The following GRM7 variants were observed in gnomAD, a reference collection of about 807,000 sequenced individuals.
GRM7 encodes metabotropic glutamate receptor 7.
GRM7 carries 35 observed loss-of-function variants against 84.5 expected under a neutral mutation model. The observed-to-expected ratio is 0.41, with a 90% confidence interval of 0.32 to 0.55. GRM7 has a LOEUF of 0.55. Among genes scored for constraint, GRM7 ranks in the 20% least tolerant of loss-of-function variants. The pLI, the probability that GRM7 is intolerant of heterozygous loss-of-function variation, is 0.19. For missense variants in GRM7, 1,003 were observed against 1,194.6 expected (o/e 0.84, Z 2.36); for synonymous variants, 487 against 455.1 (o/e 1.07, Z -0.89).
At chr3:7,311,260 G>C (rs1333352371) in intron 4 of GRM7, among the ~76,000 whole-genome samples, 1 of 152,088 alleles carries the variant, frequency 6.6e-6, no homozygotes, top group African/African-American at 2.4e-5. Flanking sequence ...TTCTTCTACA[G>C]GAAGAATGAT....
chr3:7,292,566 C>G (rs1699669308), intron 2 of GRM7, among the ~76,000 whole-genome samples: 1 of 152,046 alleles, frequency 6.6e-6, no homozygotes, highest in South Asian at 2.1e-4. Context: ...AGAATAGCAT[C>G]AACATGTAGA....
intron 2 of GRM7, among the ~76,000 whole-genome samples, chr3:7,249,432 T>A (rs774150238): frequency 6.6e-6 from 1 of 152,240 alleles, no homozygotes; most frequent in Non-Finnish European, 1.5e-5. Flanking sequence ...AAGATTTCTC[T>A]GTATTACTTT....
At chr3:7,538,734 A>G (rs1692702841) in intron 7 of GRM7, among the ~76,000 whole-genome samples, 1 of 152,214 alleles carries the variant, frequency 6.6e-6, no homozygotes, top group Non-Finnish European at 1.5e-5. Context: ...TGTACAACTA[A>G]ACACAGTTTA....
At chr3:7,106,839 T>C (rs1322668521) in intron 1 of GRM7, among the ~76,000 whole-genome samples, 2 of 152,058 alleles carry the variant, frequency 1.3e-5, no homozygotes, top group Non-Finnish European at 2.9e-5. Context: ...ACAGATTGTC[T>C]GACAGGTAAG....
At chr3:7,691,162 T>C (rs1340145527) in intron 9 of GRM7, 4 of 564,082 alleles carry the variant, frequency 7.1e-6, no homozygotes, top group South Asian at 4.6e-5. Context: ...TTTTTTCAAG[T>C]TGAAGATTAG....
Position 7,162,066 on chromosome 3 carries a change from T to A in GRM7, c.736+15398T>A, listed in dbSNP as rs1277777559. Among the ~76,000 whole-genome samples, 3 of 152,186 alleles carry A rather than the reference T, an allele frequency of 2.0e-5. No homozygotes were observed. In the East Asian group the frequency reaches 5.8e-4, roughly 29 times the overall value. Reference sequence around the variant, plus strand: ...ACAACTAATTGGATGGTGATGGTTGTTACGAGCAGATTTAAAGAATGGGGT... The same window carrying A: ...ACAACTAATTGGATGGTGATGGTTGATACGAGCAGATTTAAAGAATGGGGT... On this transcript the variant is annotated intron_variant, in intron 2 of 9. Coordinates refer to ENST00000357716, the MANE Select transcript of GRM7 (RefSeq NM_000844.4).
At chr3:7,013,288 G>A (rs949143010) in intron 1 of GRM7, among the ~76,000 whole-genome samples, 5 of 152,036 alleles carry the variant, frequency 3.3e-5, no homozygotes, top group Non-Finnish European at 4.4e-5. Context: ...TTAGCCATGA[G>A]GTAAGGGTGT....
At chr3:7,723,747 A>G (rs1164260677) in intron 9 of GRM7, among the ~76,000 whole-genome samples, 1 of 152,072 alleles carries the variant, frequency 6.6e-6, no homozygotes, top group African/African-American at 2.4e-5. Flanking sequence ...CTATTTGGGA[A>G]GCTGTGGTGG....
At chr3:7,321,343 G>A (rs1315639043) in intron 4 of GRM7, among the ~76,000 whole-genome samples, 3 of 152,006 alleles carry the variant, frequency 2.0e-5, no homozygotes, top group Admixed American at 6.6e-5. Flanking sequence ...TGACCTATGT[G>A]TAGGCATGGC....
At chr3:6,919,388 A>T (rs60980498) in intron 1 of GRM7, among the ~76,000 whole-genome samples, 1 of 128,392 alleles carries the variant, frequency 7.8e-6, no homozygotes, top group African/African-American at 2.7e-5. Context: ...TTTTTTTTTA[A>T]TAGAGATGGG....
At chr3:6,931,321 A>T (rs1697492080) in intron 1 of GRM7, among the ~76,000 whole-genome samples, 1 of 152,150 alleles carries the variant, frequency 6.6e-6, no homozygotes, top group African/African-American at 2.4e-5. Context: ...GCCCTTGGTA[A>T]AAGAGAAAAT....
At chr3:6,946,780 T>C (rs192766894) in intron 1 of GRM7, among the ~76,000 whole-genome samples, 94 of 152,338 alleles carry the variant, frequency 6.2e-4, no homozygotes, top group African/African-American at 2.1e-3. Context: ...CCCTTGTAAG[T>C]TGGAATCCTA....
chr3:7,017,380 C>T (rs1026656757), intron 1 of GRM7, among the ~76,000 whole-genome samples: 10 of 152,166 alleles, frequency 6.6e-5, no homozygotes, highest in Non-Finnish European at 1.5e-4. Context: ...GTCTTCTCCA[C>T]ATGCAGAAGA....
chr3:7,351,560 T>G (rs1471786435), intron 4 of GRM7, among the ~76,000 whole-genome samples: 1 of 151,920 alleles, frequency 6.6e-6, no homozygotes, highest in Non-Finnish European at 1.5e-5. Context: ...GAGATTGACT[T>G]ATGAATGAGT....
chr3:7,526,403 A>C (rs1164647709), intron 7 of GRM7, among the ~76,000 whole-genome samples: 1 of 151,118 alleles, frequency 6.6e-6, no homozygotes, highest in African/African-American at 2.4e-5. Flanking sequence ...TCCTTGATTT[A>C]AGTTTCTTAT....
At chr3:7,378,055 T>C (rs1694430162) in intron 4 of GRM7, among the ~76,000 whole-genome samples, 1 of 152,312 alleles carries the variant, frequency 6.6e-6, no homozygotes, top group Non-Finnish European at 1.5e-5. Flanking sequence ...TGTAGTTTTA[T>C]TGGAGCTGAC....
chr3:7,294,683 T>TG (rs1296377471), intron 2 of GRM7, among the ~76,000 whole-genome samples: 1 of 152,146 alleles, frequency 6.6e-6, no homozygotes, highest in African/African-American at 2.4e-5. Flanking sequence ...TCTGACCACC[T>TG]GCAGCAGTTT....
chr3:7,439,256 T>C (rs1697186981), intron 5 of GRM7, among the ~76,000 whole-genome samples: 1 of 152,162 alleles, frequency 6.6e-6, no homozygotes. Context: ...GAAAAAATCT[T>C]TGGAAGCTGG....
chr3:7,285,485 A>G (rs1475741104), intron 2 of GRM7, among the ~76,000 whole-genome samples: 3 of 152,106 alleles, frequency 2.0e-5, no homozygotes, highest in Non-Finnish European at 4.4e-5. Context: ...AACCTCCCAA[A>G]TTAGTGTGCC....
Sources: allele counts gnomAD v4.1 joint callset (sites outside exome capture counted in the v4.1 genomes callset), GRCh38; gene constraint gnomAD v4.1.1; transcripts MANE v1.5; gene names NCBI Gene and HGNC (gene_info 2026-07-23, HGNC 2026-07-21).